ZNF536: variants seen among roughly 807,000 people sequenced by gnomAD.
ZNF536 encodes the protein zinc finger protein 536.
A neutral mutation model predicts 84.5 loss-of-function variants in ZNF536; 13 were observed. That is an observed-to-expected ratio of 0.15 (90% CI 0.10 to 0.24). The LOEUF (loss-of-function observed/expected upper bound fraction) is 0.24, where lower values mean the gene tolerates loss of function less well. Ranked by LOEUF, ZNF536 falls within the 10% of genes least tolerant of loss-of-function variation. ZNF536 has a pLI of 1.00. For missense variants in ZNF536, 1,536 were observed against 1,747.5 expected, an observed-to-expected ratio of 0.88 and a Z score of 2.16; for synonymous variants, 811 against 742.5, an observed-to-expected ratio of 1.09 and a Z score of -1.50.
chr19:30,304,182 T>G (rs1228807817), intron 2 of ZNF536, among the ~76,000 whole-genome samples: 1 of 152,228 alleles, frequency 6.6e-6, no homozygotes, highest in Non-Finnish European at 1.5e-5. Context: ...CCCTGGCATT[T>G]TCTGGGACTA....
At chr19:30,347,185 A>G (rs2047773716) in intron 2 of ZNF536, among the ~76,000 whole-genome samples, 1 of 151,730 alleles carries the variant, frequency 6.6e-6, no homozygotes, top group East Asian at 1.9e-4. Flanking sequence ...GATTCTGCAG[A>G]TGGGAAACCA....
intron 2 of ZNF536, among the ~76,000 whole-genome samples, chr19:30,519,003 C>T (rs1295469421): frequency 1.3e-5 from 2 of 152,292 alleles, no homozygotes; most frequent in South Asian, 2.1e-4. Context: ...ATCCGTGTGG[C>T]GGGATGCCCC....
chr19:30,233,518 T>A (rs972038034), intron 1 of ZNF536, among the ~76,000 whole-genome samples: 1 of 141,166 alleles, frequency 7.1e-6, no homozygotes, highest in Non-Finnish European at 1.5e-5. Flanking sequence ...GTTTTTAACA[T>A]TTTTTTTTTT....
chr19:30,465,624 C>CTG (rs1284923960), intron 2 of ZNF536, among the ~76,000 whole-genome samples: 2 of 152,182 alleles, frequency 1.3e-5, no homozygotes, highest in African/African-American at 2.4e-5. Flanking sequence ...GGTGTGGTGG[C>CTG]TTAGGCCTGG....
chr19:30,687,949 G>A (rs188265283), intron 1 of ZNF536, among the ~76,000 whole-genome samples: 55 of 151,300 alleles, frequency 3.6e-4, no homozygotes, highest in South Asian at 4.2e-4. Flanking sequence ...ATTTTATTAC[G>A]TGTAGAGAAG....
chr19:30,227,959 C>T (rs1382990736), upstream of ZNF536, among the ~76,000 whole-genome samples: 1 of 151,918 alleles, frequency 6.6e-6, no homozygotes, highest in East Asian at 1.9e-4. Flanking sequence ...GTGTCCCCGG[C>T]GAGTTGGGCA....
At chr19:30,571,723 T>C (rs4805583) in intron 1 of ZNF536, among the ~76,000 whole-genome samples, 68,697 of 151,888 alleles carry the variant, frequency 0.45, 17,648 homozygotes, top group African/African-American at 0.71. Context: ...CAGGCCCCTC[T>C]CACCACAGGC....
intron 2 of ZNF536, among the ~76,000 whole-genome samples, chr19:30,519,036 C>G (rs2044210753): frequency 6.6e-6 from 1 of 152,222 alleles, no homozygotes; most frequent in African/African-American, 2.4e-5. Flanking sequence ...TCTGGGCGGA[C>G]TTTCTCCTCA....
chr19:30,493,010 G>A (rs1373910873), intron 2 of ZNF536, among the ~76,000 whole-genome samples: 1 of 150,502 alleles, frequency 6.6e-6, no homozygotes, highest in Non-Finnish European at 1.5e-5. Flanking sequence ...TCAGTCTGCC[G>A]CCAGCATTTT....
At chr19:30,292,400 A>T (rs937795293) in intron 2 of ZNF536, among the ~76,000 whole-genome samples, 4 of 147,980 alleles carry the variant, frequency 2.7e-5, no homozygotes, top group African/African-American at 1.0e-4. Flanking sequence ...CAGTGGTGTG[A>T]TCACTGCAGC....
chr19:30,489,688 G>A (rs908880862), intron 2 of ZNF536, among the ~76,000 whole-genome samples: 8 of 152,164 alleles, frequency 5.3e-5, no homozygotes, highest in South Asian at 4.2e-4. Flanking sequence ...GTTTATATTC[G>A]AATAATACTT....
intron 2 of ZNF536, among the ~76,000 whole-genome samples, chr19:30,329,331 A>G (rs1009555346): frequency 1.3e-5 from 2 of 152,126 alleles, no homozygotes; most frequent in African/African-American, 4.8e-5. Flanking sequence ...GAACACACAT[A>G]ATCCTAGGTC....
At chr19:30,681,271 C>T (rs1007048226) in intron 1 of ZNF536, among the ~76,000 whole-genome samples, 3 of 152,124 alleles carry the variant, frequency 2.0e-5, no homozygotes, top group Non-Finnish European at 2.9e-5. Context: ...GTCCTGACTC[C>T]TGGGGCTTTC....
At chr19:30,613,259 G>C (rs983512222) in intron 1 of ZNF536, among the ~76,000 whole-genome samples, 3 of 152,066 alleles carry the variant, frequency 2.0e-5, no homozygotes, top group Non-Finnish European at 4.4e-5. Flanking sequence ...AAAAAGCATC[G>C]TGTGGGCAGA....
intron 2 of ZNF536, among the ~76,000 whole-genome samples, chr19:30,308,273 A>G (rs1047187377): frequency 3.3e-5 from 5 of 152,148 alleles, no homozygotes; most frequent in Admixed American, 6.5e-5. Flanking sequence ...AATACTCACA[A>G]TGTGGACTGA....
intron 1 of ZNF536, among the ~76,000 whole-genome samples, chr19:30,423,744 T>C (rs959868729): frequency 6.6e-5 from 10 of 151,454 alleles, no homozygotes; most frequent in African/African-American, 2.4e-4. Context: ...AGGGCAGGGC[T>C]CCCTCCCGGG....
At chr19:30,578,534 T>C (rs574770763) in intron 1 of ZNF536, among the ~76,000 whole-genome samples, 2 of 152,380 alleles carry the variant, frequency 1.3e-5, no homozygotes, top group South Asian at 2.1e-4. Context: ...CTGGTCTCTA[T>C]GTAAGTTTTT....
At chr19:30,379,707 G>C (rs759751536) in intron 1 of ZNF536, among the ~76,000 whole-genome samples, 9 of 151,736 alleles carry the variant, frequency 5.9e-5, no homozygotes, top group Non-Finnish European at 1.3e-4. Flanking sequence ...GGTGGTGCAG[G>C]GTGGATGAAG....
At chr19:30,620,500 C>A (rs1294642879) in intron 1 of ZNF536, among the ~76,000 whole-genome samples, 2 of 152,154 alleles carry the variant, frequency 1.3e-5, no homozygotes, top group Admixed American at 6.5e-5. Flanking sequence ...GGAAGTCCTG[C>A]AGGTTCCGGT....
Sources: allele counts gnomAD v4.1 joint callset (sites outside exome capture counted in the v4.1 genomes callset), GRCh38; gene constraint gnomAD v4.1.1; transcripts MANE v1.5; gene names NCBI Gene and HGNC (gene_info 2026-07-23, HGNC 2026-07-21).